Variants in FRMD3 observed in about 807,000 individuals in gnomAD.
The protein encoded by FRMD3 is FERM domain-containing protein 3.
Under a neutral mutation model 70.2 loss-of-function variants are expected in FRMD3, and 33 were observed. The observed-to-expected ratio is 0.47, with a 90% CI of 0.36 to 0.63. The LOEUF is 0.63. Among genes scored for constraint, FRMD3 ranks in the 20% least tolerant of loss-of-function variants. The probability of loss-of-function intolerance (pLI) is 0.00; values close to 1 mark genes in which losing one functional copy is unlikely to be tolerated. For missense variants in FRMD3, 632 were observed against 711.4 expected (o/e 0.89, Z 1.27); for synonymous variants, 279 against 255.9 (o/e 1.09, Z -0.86).
intron 1 of FRMD3, among the ~76,000 whole-genome samples, chr9:83,521,149 A>AT (rs1260389132): frequency 6.6e-6 from 1 of 151,824 alleles, no homozygotes; most frequent in Non-Finnish European, 1.5e-5. Context: ...CAAAAAAAAA[A>AT]GGAAAAGGTC....
In FRMD3 at chr9:83,363,553, CTTT is replaced by C. The variant is rs34789292; in HGVS notation, c.295+9357_295+9359del. On this transcript the variant is annotated intron_variant, in intron 3 of 13. Transcript: ENST00000304195. ...GATTTGCTGGACCAAGAGACATAGG[CTTT>C]TTTTTTTTTTTTTTTTTGAGACGGA... Among the ~76,000 whole-genome samples the C allele has an allele frequency of 4.1e-3, 467 of 113,322 alleles. 2 individuals are homozygous for C. Among genetic ancestry groups the C allele is most frequent in the African/African-American group, 0.012 (375 of 31,318 alleles). The allele number at this position is 113,322 out of a possible 152,430, so 74.3% of individuals were successfully genotyped here.
intron 1 of FRMD3, among the ~76,000 whole-genome samples, chr9:83,529,878 A>G (rs1829759705): frequency 6.6e-6 from 1 of 152,228 alleles, no homozygotes; most frequent in Non-Finnish European, 1.5e-5. Context: ...GCTAATAGAC[A>G]CATGAAAAGA....
chr9:83,332,373 T>A (rs1003094493), intron 6 of FRMD3, among the ~76,000 whole-genome samples: 2 of 151,744 alleles, frequency 1.3e-5, no homozygotes, highest in Non-Finnish European at 2.9e-5. Context: ...TCTCTCTCTC[T>A]CTCTTTCTCT....
chr9:83,557,790 T>C, the FRMD3 span, among the ~76,000 whole-genome samples: 1 of 151,868 alleles, frequency 6.6e-6, no homozygotes, highest in African/African-American at 2.4e-5. Context: ...CTGCAGGGGG[T>C]TGTGCACTCA....
chr9:83,282,152 G>T (rs989690508), intron 13 of FRMD3, among the ~76,000 whole-genome samples: 1 of 152,102 alleles, frequency 6.6e-6, no homozygotes, highest in Non-Finnish European at 1.5e-5. Flanking sequence ...GTAACATTGG[G>T]CAAATTTTCT....
intron 6 of FRMD3, among the ~76,000 whole-genome samples, chr9:83,326,208 T>A (rs72618132): frequency 0.1 from 15,333 of 152,212 alleles, 905 homozygotes; most frequent in East Asian, 0.23. Flanking sequence ...AGGTAACAGA[T>A]GTGAATCTGT....
intron 1 of FRMD3, among the ~76,000 whole-genome samples, chr9:83,450,145 G>A (rs75742687): frequency 0.036 from 5,534 of 151,998 alleles, 171 homozygotes; most frequent in East Asian, 0.15. Flanking sequence ...AAAATTAGAC[G>A]GCAAAGCCTG....
At chr9:83,331,803 T>C in intron 6 of FRMD3, 1 of 716,502 alleles carries the variant, frequency 1.4e-6, no homozygotes, top group Non-Finnish European at 2.6e-6. Context: ...GTCAATGAGT[T>C]GTGAGGGCCA....
intron 1 of FRMD3, among the ~76,000 whole-genome samples, chr9:83,446,596 G>T (rs936549418): frequency 1.4e-5 from 2 of 145,226 alleles, no homozygotes; most frequent in African/African-American, 5.2e-5. Context: ...GCAGTGAGCC[G>T]AGATCGCGCC....
chr9:83,524,443 A>T (rs949062452), intron 1 of FRMD3, among the ~76,000 whole-genome samples: 6 of 152,234 alleles, frequency 3.9e-5, no homozygotes, highest in Non-Finnish European at 7.3e-5. Flanking sequence ...AAGAAAGTAG[A>T]CATGGAAAGA....
intron 1 of FRMD3, among the ~76,000 whole-genome samples, chr9:83,512,742 A>C (rs940124571): frequency 6.6e-6 from 1 of 152,152 alleles, no homozygotes; most frequent in Non-Finnish European, 1.5e-5. Flanking sequence ...GGTGCTGAGA[A>C]AGTCACTATT....
intron 1 of FRMD3, among the ~76,000 whole-genome samples, chr9:83,474,200 C>T (rs1337063631): frequency 6.6e-6 from 1 of 152,172 alleles, no homozygotes; most frequent in Non-Finnish European, 1.5e-5. Flanking sequence ...GCAAAAACAT[C>T]AGCATGACAA....
chr9:83,277,479 C>T (rs958406842), intron 13 of FRMD3, among the ~76,000 whole-genome samples: 1 of 152,178 alleles, frequency 6.6e-6, no homozygotes, highest in African/African-American at 2.4e-5. Flanking sequence ...ATCCTTCCAC[C>T]TCAGCCTCTT....
At chr9:83,380,478 A>G (rs1186101291) in intron 2 of FRMD3, among the ~76,000 whole-genome samples, 1 of 152,032 alleles carries the variant, frequency 6.6e-6, no homozygotes, top group African/African-American at 2.4e-5. Context: ...TTTCTTTTTA[A>G]TTTTGCGAGG....
intron 1 of FRMD3, among the ~76,000 whole-genome samples, chr9:83,494,858 T>TGTGTGTGTGC (rs781680772): frequency 3.4e-5 from 5 of 148,716 alleles, no homozygotes; most frequent in African/African-American, 1.2e-4. Context: ...TGTGTGTGTG[T>TGTGTGTGTGC]GCGCGCGCGC....
chr9:83,581,739 A>G, the FRMD3 span, among the ~76,000 whole-genome samples: 1 of 152,264 alleles, frequency 6.6e-6, no homozygotes, highest in Non-Finnish European at 1.5e-5. Context: ...TTAATGAATA[A>G]ATAAAATGTG....
intron 1 of FRMD3, among the ~76,000 whole-genome samples, chr9:83,461,814 A>G (rs1313383124): frequency 6.6e-6 from 1 of 151,332 alleles, no homozygotes; most frequent in African/African-American, 2.4e-5. Context: ...CAGCCTCCCA[A>G]GTAACTGGGA....
At chr9:83,409,074 C>T (rs1335339982) in intron 1 of FRMD3, among the ~76,000 whole-genome samples, 1 of 152,148 alleles carries the variant, frequency 6.6e-6, no homozygotes, top group Non-Finnish European at 1.5e-5. Flanking sequence ...CCATGCAGGT[C>T]AGCAGCATAC....
At chr9:83,357,258 TATATATATATATATATATATA>T (rs1824413587) in intron 3 of FRMD3, among the ~76,000 whole-genome samples, 2 of 48,820 alleles carry the variant, frequency 4.1e-5, no homozygotes, top group African/African-American at 3.0e-4. Flanking sequence ...TATATATATA[TATATATATATATATATATATA>T]TATATATATA....
Sources: allele counts gnomAD v4.1 joint callset (sites outside exome capture counted in the v4.1 genomes callset), GRCh38; gene constraint gnomAD v4.1.1; transcripts MANE v1.5; gene names NCBI Gene and HGNC (gene_info 2026-07-23, HGNC 2026-07-21).